TRDN: variants seen among roughly 807,000 people sequenced by gnomAD.
The protein encoded by TRDN is triadin.
In TRDN, 161 loss-of-function variants were observed where a neutral mutation model predicts 149.7. That is an observed-to-expected ratio of 1.08 (90% CI 0.95 to 1.23). TRDN has a LOEUF of 1.23. Ranked by LOEUF, TRDN falls within the 50% of genes most tolerant of loss-of-function variation. TRDN has a pLI of 0.00. For missense variants in TRDN, 896 were observed against 823.5 expected (o/e 1.09, Z -1.08); for synonymous variants, 294 against 250.5 (o/e 1.17, Z -1.64).
chr6:123,444,588 T>C (rs1313765631), intron 10 of TRDN, among the ~76,000 whole-genome samples: 1 of 150,274 alleles, frequency 6.7e-6, no homozygotes, highest in African/African-American at 2.4e-5. Flanking sequence ...AGGGCATCCC[T>C]GTCTTGTGCC....
chr6:123,222,219 A>G (rs1433208936), intron 39 of TRDN, among the ~76,000 whole-genome samples: 1 of 151,254 alleles, frequency 6.6e-6, no homozygotes, highest in East Asian at 2.0e-4. Flanking sequence ...TTGTGTGTAC[A>G]TGTGTGTTAG....
chr6:123,360,061 C>G (rs1375653178), intron 20 of TRDN, among the ~76,000 whole-genome samples: 2 of 151,936 alleles, frequency 1.3e-5, no homozygotes, highest in Non-Finnish European at 1.5e-5. Context: ...GTGCAGGAAG[C>G]GCAGGTTTGT....
chr6:123,600,287 A>G (rs749915458), intron 1 of TRDN, among the ~76,000 whole-genome samples: 3 of 152,078 alleles, frequency 2.0e-5, no homozygotes, highest in Admixed American at 6.6e-5. Context: ...ATTAATGTGA[A>G]TAAGCAGAGT....
Position 123,218,379 on chromosome 6 carries a change from C to T in TRDN, c.*222G>A, listed in dbSNP as rs1183189490. The T allele has an allele frequency of 1.3e-5, 6 of 449,478 alleles. No homozygotes were observed. The highest frequency in any genetic ancestry group is 2.0e-5 in the Non-Finnish European group (5 of 253,436). 27.8% of individuals were successfully genotyped at this position (449,478 alleles called of 1,614,324 possible). A position where few individuals can be genotyped will look rare whatever the true frequency, so the allele number is the denominator to read the frequency against. On this transcript the variant is annotated 3_prime_UTR_variant, in exon 41 of 41. Transcript: ENST00000334268. The stretch of plus-strand genomic sequence containing the variant: ...AGATAAATACAAGCACCCCCTCCCA[C>T]CGCAGCAAACACACATAACAGATTC...
At chr6:123,327,897 T>C (rs1779518728) in intron 23 of TRDN, among the ~76,000 whole-genome samples, 1 of 152,178 alleles carries the variant, frequency 6.6e-6, no homozygotes, top group African/African-American at 2.4e-5. Context: ...TAAACATAAG[T>C]ACATATGTAT....
At position 123,425,644 on chromosome 6, in the gene TRDN, TA is replaced by T. The variant is rs942412615; in HGVS notation, c.1051+12418del. 3.9e-5 allele frequency among the ~76,000 whole-genome samples: 6 copies of T among 152,110 alleles called. No individual in the cohort carries two copies. In the South Asian group the frequency reaches 6.2e-4, roughly 16 times the overall value. On this transcript the variant is annotated intron_variant, in intron 12 of 40. Coordinates refer to ENST00000334268, the MANE Select transcript of TRDN (RefSeq NM_006073.4). ...CTAAGAGGGTGAGTGAAGAAAGAGA[TA>T]GGCTGTGAAATGCTCTTGAGAAGGA...
chr6:123,329,270 T>C (rs903449193), intron 23 of TRDN, among the ~76,000 whole-genome samples: 8 of 152,186 alleles, frequency 5.3e-5, no homozygotes, highest in Non-Finnish European at 2.9e-5. Flanking sequence ...GCTGTGGCTA[T>C]TTAAGTATTA....
chr6:123,352,092 C>A (rs1002381718), intron 21 of TRDN: 3 of 979,196 alleles, frequency 3.1e-6, no homozygotes, highest in African/African-American at 3.5e-5. Flanking sequence ...TCTATTTTTG[C>A]TGTTATTTTC....
chr6:123,592,322 A>T (rs933574540), intron 1 of TRDN, among the ~76,000 whole-genome samples: 1 of 152,240 alleles, frequency 6.6e-6, no homozygotes, highest in African/African-American at 2.4e-5. Context: ...CATTTTATTA[A>T]GCATTCCCAA....
chr6:123,280,007 G>A (rs1310519052), intron 24 of TRDN, among the ~76,000 whole-genome samples: 1 of 152,132 alleles, frequency 6.6e-6, no homozygotes, highest in East Asian at 1.9e-4. Context: ...AAAGAACAGT[G>A]ATACTTTAGT....
chr6:123,278,186 G>GT lies in TRDN; in HGVS notation c.1567+131dup, dbSNP rs140706039. On this transcript the variant is annotated intron_variant, in intron 26 of 40. Coordinates refer to ENST00000334268, the MANE Select transcript of TRDN (RefSeq NM_006073.4). Reference sequence around the variant, plus strand: ...GCATAGAGAAATATATATTTTGTTAGTTTTTTTTTAAGTTGGTCAAGGATA... The same window carrying GT: ...GCATAGAGAAATATATATTTTGTTAGTTTTTTTTTTAAGTTGGTCAAGGATA... 0.018 allele frequency: 10,783 copies of GT among 585,476 alleles called. 759 individuals are homozygous for GT. The highest frequency in any genetic ancestry group is 0.18 in the African/African-American group (8,768 of 49,074). 36.3% of individuals were successfully genotyped at this position (585,476 alleles called of 1,614,324 possible).
At chr6:123,581,320 G>A (rs181903573) in intron 1 of TRDN, among the ~76,000 whole-genome samples, 180 of 152,086 alleles carry the variant, frequency 1.2e-3, no homozygotes, top group Middle Eastern at 3.4e-3. Context: ...TAATACCATA[G>A]CATTTTTTGA....
At chr6:123,461,769 A>G (rs1776462147) in intron 10 of TRDN, among the ~76,000 whole-genome samples, 1 of 152,158 alleles carries the variant, frequency 6.6e-6, no homozygotes, top group South Asian at 2.1e-4. Context: ...ATGCTGAAAA[A>G]CATTTGATGA....
At chr6:123,348,073 C>T (rs2114280804) in intron 21 of TRDN, among the ~76,000 whole-genome samples, 1 of 151,854 alleles carries the variant, frequency 6.6e-6, no homozygotes, top group East Asian at 1.9e-4. Flanking sequence ...ATAATTTTTC[C>T]TTTTTTTTCT....
intron 7 of TRDN, among the ~76,000 whole-genome samples, chr6:123,511,840 A>T (rs1583169288): frequency 6.6e-6 from 1 of 152,166 alleles, no homozygotes; most frequent in East Asian, 1.9e-4. Flanking sequence ...CGTTTTCAAG[A>T]CAGCCAATGG....
intron 24 of TRDN, among the ~76,000 whole-genome samples, chr6:123,280,043 T>A (rs1777526012): frequency 6.6e-6 from 1 of 152,188 alleles, no homozygotes; most frequent in African/African-American, 2.4e-5. Flanking sequence ...AGATGTACCC[T>A]GTGATTGCTT....
chr6:123,351,530 T>A, intron 21 of TRDN: 2 of 982,168 alleles, frequency 2.0e-6, no homozygotes, highest in Non-Finnish European at 2.4e-6. Context: ...GGAAAACATT[T>A]TCCATGCAAT....
intron 21 of TRDN, among the ~76,000 whole-genome samples, chr6:123,342,421 A>G (rs1449805274): frequency 2.6e-5 from 4 of 152,026 alleles, no homozygotes; most frequent in Non-Finnish European, 5.9e-5. Context: ...TAAGATGTCA[A>G]AGCTTCCATG....
At chr6:123,376,895 A>G (rs1781531138) in intron 18 of TRDN, among the ~76,000 whole-genome samples, 1 of 152,182 alleles carries the variant, frequency 6.6e-6, no homozygotes, top group South Asian at 2.1e-4. Flanking sequence ...ACACACACAC[A>G]CACACAATAC....
Sources: allele counts gnomAD v4.1 joint callset (sites outside exome capture counted in the v4.1 genomes callset), GRCh38; gene constraint gnomAD v4.1.1; transcripts MANE v1.5; gene names NCBI Gene and HGNC (gene_info 2026-07-23, HGNC 2026-07-21).